POLR3E: variants seen among roughly 807,000 people sequenced by gnomAD.
POLR3E encodes the protein DNA-directed RNA polymerase III subunit RPC5.
In POLR3E, 41 loss-of-function variants were observed where a neutral mutation model predicts 96.6. That is an observed-to-expected ratio of 0.42 (90% CI 0.33 to 0.55). The LOEUF is 0.55. POLR3E is among the 20% of genes least tolerant of loss of function. POLR3E has a pLI of 0.06. For missense variants in POLR3E, 849 were observed against 952.1 expected (o/e 0.89, Z 1.43); for synonymous variants, 396 against 383.6 (o/e 1.03, Z -0.38).
intron 6 of POLR3E, among the ~76,000 whole-genome samples, chr16:22,311,835 T>C (rs944869220): frequency 1.3e-5 from 2 of 152,104 alleles, no homozygotes; most frequent in African/African-American, 4.8e-5. Flanking sequence ...CTGTTACAAC[T>C]GCCTACAGTA....
intron 3 of POLR3E, 89 bp from the exon 4 acceptor site, chr16:22,308,059 G>A: frequency 1.1e-6 from 1 of 939,480 alleles, no homozygotes; most frequent in Non-Finnish European, 1.7e-6. Context: ...CTTGGGGTGG[G>A]CTTGGAGATA....
intron 3 of POLR3E, among the ~76,000 whole-genome samples, chr16:22,307,230 C>T (rs1438991829): frequency 6.6e-6 from 1 of 152,182 alleles, no homozygotes; most frequent in Non-Finnish European, 1.5e-5. Flanking sequence ...CCTGTGATTT[C>T]AGAACCTGCG....
At chr16:22,323,834 T>C (rs2048520374) in intron 14 of POLR3E, among the ~76,000 whole-genome samples, 1 of 152,160 alleles carries the variant, frequency 6.6e-6, no homozygotes, top group Non-Finnish European at 1.5e-5. Flanking sequence ...TAGGTGATAG[T>C]CATCCATTCC....
rs2048060980 is a variant in POLR3E, at chr16:22,303,093, G to A, written c.36+89G>A. The A allele has an allele frequency of 3.3e-6, 4 of 1,213,020 alleles. No homozygotes were observed. The South Asian group carries it at 4.8e-5, about 15-fold the overall frequency. 75.1% of individuals were successfully genotyped at this position (1,213,020 alleles called of 1,614,324 possible). ...GTGTCCTCAGGCCAGTCTGGGACCT[G>A]TTGATGTTCTGGGACCCCTAACCCT... On this transcript the variant is annotated intron_variant, in intron 2 of 20. Coordinates refer to ENST00000299853, the MANE Select transcript of POLR3E (RefSeq NM_018119.4).
chr16:22,311,121 C>G (rs2141755431), intron 6 of POLR3E, among the ~76,000 whole-genome samples: 1 of 152,226 alleles, frequency 6.6e-6, no homozygotes, highest in South Asian at 2.1e-4. Context: ...GCACACACCA[C>G]CATGCCCAGC....
intron 1 of POLR3E, among the ~76,000 whole-genome samples, chr16:22,300,055 TG>T (rs1174868764): frequency 2.0e-5 from 3 of 152,086 alleles, no homozygotes; most frequent in African/African-American, 7.2e-5. Flanking sequence ...CTGGGAGACT[TG>T]GAGGTAGGTA....
intron 12 of POLR3E, among the ~76,000 whole-genome samples, chr16:22,317,502 C>CGTGA (rs139020335): frequency 6.6e-6 from 1 of 152,162 alleles, no homozygotes; most frequent in African/African-American, 2.4e-5. Context: ...TTGGGCAGGT[C>CGTGA]ATGAACCTTT....
Position 22,324,673 on chromosome 16 carries a change from G to A in POLR3E, c.1286+13G>A. 2 of 1,613,658 alleles carry A rather than the reference G, an allele frequency of 1.2e-6. No individual in the cohort carries two copies. Among genetic ancestry groups the A allele is most frequent in the Non-Finnish European group, 1.7e-6 (2 of 1,179,778 alleles). ...GTATCCAGGCCAAGTAAGCACCCTG[G>A]GCCAGGGAGGGGCAGCCCGGTGATC... On this transcript the variant is annotated intron_variant, in intron 16 of 20. Coordinates refer to ENST00000299853, the MANE Select transcript of POLR3E (RefSeq NM_018119.4).
At position 22,334,804 on chromosome 16, in the gene POLR3E, A is replaced by C. The variant is rs984456819; in HGVS notation, c.*1104A>C. The C allele has an allele frequency of 2.0e-5, 3 of 152,218 alleles. No individual in the cohort carries two copies. The highest frequency in any genetic ancestry group is 2.9e-5 in the Non-Finnish European group (2 of 68,050). 9.4% of individuals were successfully genotyped at this position (152,218 alleles called of 1,614,324 possible). ...GCACAGCCCTAGAAACTGATGGAAA[A>C]AATAAGAGTAAGCTAGGTTGGATGA... On this transcript the variant is annotated 3_prime_UTR_variant, in exon 21 of 21. Coordinates refer to ENST00000299853, the MANE Select transcript of POLR3E (RefSeq NM_018119.4).
intron 14 of POLR3E, among the ~76,000 whole-genome samples, chr16:22,323,972 T>C (rs1270063177): frequency 6.6e-6 from 1 of 152,086 alleles, no homozygotes; most frequent in Non-Finnish European, 1.5e-5. Context: ...ATGGGCGGCC[T>C]CCAACCAGCC....
Position 22,315,128 on chromosome 16 carries a change from C to T in POLR3E, c.562C>T (p.Arg188Cys). The change falls in exon 9 of 21, where the codon CGC (arginine) becomes TGC (cysteine). Residue 188 changes from arginine to cysteine, a missense_variant. Coordinates refer to ENST00000299853, the MANE Select transcript of POLR3E (RefSeq NM_018119.4). ...SRPESEQARQ[R>C]RVQSYEFLQK... ...GCCGGAGTCAGAGCAGGCCCGCCAG[C>T]GCCGTGTGCAGTCCTATGAGTTCCT... is the stretch of plus-strand genomic sequence containing the variant. 1 of 1,613,308 alleles carries T rather than the reference C, an allele frequency of 6.2e-7. No individual in the cohort carries two copies. Among genetic ancestry groups the T allele is most frequent in the Non-Finnish European group, 8.5e-7 (1 of 1,179,712 alleles).
Position 22,325,363 on chromosome 16 carries a change from G to A in POLR3E, c.1348+97G>A, listed in dbSNP as rs997907670. The A allele has an allele frequency of 5.1e-6, 5 of 976,562 alleles. No individual in the cohort carries two copies. In the African/African-American group the frequency reaches 8.0e-5, roughly 16 times the overall value. The allele number at this position is 976,562 out of a possible 1,614,324, so 60.5% of individuals were successfully genotyped here. A position where few individuals can be genotyped will look rare whatever the true frequency, so the allele number is the denominator to read the frequency against. The stretch of plus-strand genomic sequence containing the variant: ...GCTTGTCAGGCCCGGACCTGGAGAG[G>A]GTGGAGGGCTCTCACCGTTCACCCT... On this transcript the variant is annotated intron_variant, in intron 17 of 20. Coordinates refer to ENST00000299853, the MANE Select transcript of POLR3E (RefSeq NM_018119.4).
At chr16:22,315,625 G>T (rs2048339282) in intron 9 of POLR3E, among the ~76,000 whole-genome samples, 1 of 151,900 alleles carries the variant, frequency 6.6e-6, no homozygotes, top group Admixed American at 6.6e-5. Flanking sequence ...TACTGTGCTT[G>T]GTTTTCATCT....
intron 1 of POLR3E, among the ~76,000 whole-genome samples, chr16:22,300,559 AG>A (rs2048000196): frequency 6.6e-6 from 1 of 152,242 alleles, no homozygotes; most frequent in Non-Finnish European, 1.5e-5. Flanking sequence ...TCCACTGCCC[AG>A]CTGCAGAGAA....
In POLR3E at chr16:22,333,740, A is replaced by G. The variant is rs533378556; in HGVS notation, c.*40A>G. The G allele has an allele frequency of 5.7e-5, 82 of 1,441,258 alleles. 1 individual carries two copies. The highest frequency in any genetic ancestry group is 4.8e-4 in the South Asian group (42 of 87,644). The allele number at this position is 1,441,258 out of a possible 1,614,324, so 89.3% of individuals were successfully genotyped here. Reference sequence around the variant, plus strand: ...TACTAACCCAGCAAATCTAAGCCCAAGGAAGAAGGGCGGAACCAGAAGTAG... The same window carrying G: ...TACTAACCCAGCAAATCTAAGCCCAGGGAAGAAGGGCGGAACCAGAAGTAG... On this transcript the variant is annotated 3_prime_UTR_variant, in exon 21 of 21. Coordinates refer to ENST00000299853, the MANE Select transcript of POLR3E (RefSeq NM_018119.4).
chr16:22,297,712 C>A (rs537331164), intron 1 of POLR3E, among the ~76,000 whole-genome samples, 175 bp downstream of exon 1: 14 of 152,360 alleles, frequency 9.2e-5, no homozygotes, highest in Admixed American at 5.2e-4. Flanking sequence ...CAGGCCGACC[C>A]CGGACTCTGA....
chr16:22,327,345 C>T (rs1414282878), intron 18 of POLR3E: 2 of 152,298 alleles, frequency 1.3e-5, no homozygotes, highest in African/African-American at 2.4e-5. Context: ...GTTCGGAGCT[C>T]CTGCCCACCC....
intron 9 of POLR3E, 110 bp downstream of exon 9, chr16:22,315,318 C>A: frequency 8.4e-7 from 1 of 1,187,910 alleles, no homozygotes; most frequent in Non-Finnish European, 1.2e-6. Context: ...GAGTCATAGC[C>A]ACAGATAGAG....
chr16:22,324,685 G>A (rs971329842), intron 16 of POLR3E, 25 bp downstream of exon 16: 1 of 1,612,460 alleles, frequency 6.2e-7, no homozygotes, highest in African/African-American at 1.3e-5. Flanking sequence ...CCAGGGAGGG[G>A]CAGCCCGGTG....
Sources: gnomAD v4.1 joint callset for allele counts (sites outside exome capture counted in the v4.1 genomes callset) on GRCh38, gnomAD v4.1.1 for gene constraint, MANE v1.5 for transcripts, NCBI Gene and HGNC (gene_info 2026-07-23, HGNC 2026-07-21) for gene names.